The following FCHSD2 variants were observed in gnomAD, a reference collection of about 807,000 sequenced individuals.
FCHSD2 encodes the protein FCH and double SH3 domains 2, also known as F-BAR and double SH3 domains protein 2.
Under a neutral mutation model 108.1 loss-of-function variants are expected in FCHSD2, and 38 were observed. The ratio of observed to expected loss-of-function variants is 0.35; its 90% confidence interval spans 0.27 to 0.46. FCHSD2 has a LOEUF of 0.46. Among genes scored for constraint, FCHSD2 ranks in the 20% least tolerant of loss-of-function variants. The probability of loss-of-function intolerance (pLI) is 1.00; values close to 1 mark genes in which losing one functional copy is unlikely to be tolerated. For synonymous variants in FCHSD2, 279 were observed against 314.7 expected (o/e 0.89, Z 1.20); for missense variants, 751 against 897.8 (o/e 0.84, Z 2.09).
At chr11:73,140,892 G>A (rs1861229934) in intron 1 of FCHSD2, among the ~76,000 whole-genome samples, 1 of 152,228 alleles carries the variant, frequency 6.6e-6, no homozygotes, top group African/African-American at 2.4e-5. Flanking sequence ...GGACCACCCG[G>A]AGGGGTGGGG....
chr11:73,049,056 A>C (rs1257872934), intron 3 of FCHSD2, among the ~76,000 whole-genome samples: 1 of 152,194 alleles, frequency 6.6e-6, no homozygotes, highest in African/African-American at 2.4e-5. Context: ...TAGAATCTCA[A>C]AGGAGTAAAA....
intron 2 of FCHSD2, among the ~76,000 whole-genome samples, chr11:73,087,247 C>G (rs1196959569): frequency 6.6e-6 from 1 of 151,590 alleles, no homozygotes; most frequent in Admixed American, 6.6e-5. Flanking sequence ...TAAAAATAGT[C>G]AAAAGCTTAT....
intron 12 of FCHSD2, among the ~76,000 whole-genome samples, chr11:72,881,378 C>CA (rs1225906399): frequency 2.6e-5 from 4 of 151,990 alleles, no homozygotes; most frequent in Non-Finnish European, 5.9e-5. Context: ...ATCAAAAAGA[C>CA]AAAAAATAAC....
At chr11:73,050,912 C>T (rs1193702960) in intron 3 of FCHSD2, among the ~76,000 whole-genome samples, 3 of 152,284 alleles carry the variant, frequency 2.0e-5, no homozygotes, top group Non-Finnish European at 1.5e-5. Context: ...CAAAGGTCCT[C>T]CAACTGTTTG....
intron 14 of FCHSD2, among the ~76,000 whole-genome samples, chr11:72,847,135 G>A (rs1486098580): frequency 3.3e-5 from 5 of 152,094 alleles, no homozygotes; most frequent in Admixed American, 6.5e-5. Flanking sequence ...TAGCTAGGAC[G>A]ATAGGCATGT....
chr11:72,863,624 T>C (rs1591352368), intron 13 of FCHSD2, among the ~76,000 whole-genome samples: 1 of 152,042 alleles, frequency 6.6e-6, no homozygotes, highest in Non-Finnish European at 1.5e-5. Context: ...GTATTCAGAG[T>C]ATAAACTCTT....
intron 8 of FCHSD2, among the ~76,000 whole-genome samples, chr11:72,971,347 C>T (rs1458739196): frequency 6.6e-6 from 1 of 151,948 alleles, no homozygotes; most frequent in African/African-American, 2.4e-5. Context: ...TCCCAGTGAC[C>T]CTTGCCCTTG....
chr11:73,107,670 G>C (rs1245195222), intron 2 of FCHSD2, among the ~76,000 whole-genome samples: 1 of 151,990 alleles, frequency 6.6e-6, no homozygotes, highest in Non-Finnish European at 1.5e-5. Flanking sequence ...TTCATTTTTA[G>C]CTCCTACAAA....
intron 3 of FCHSD2, among the ~76,000 whole-genome samples, chr11:73,039,390 T>G (rs1269454938): frequency 6.6e-6 from 1 of 151,836 alleles, no homozygotes; most frequent in African/African-American, 2.4e-5. Flanking sequence ...TGGTGGGGCG[T>G]GCCTGTAGTC....
At chr11:72,954,956 C>T (rs926894225) in intron 8 of FCHSD2, among the ~76,000 whole-genome samples, 1 of 152,108 alleles carries the variant, frequency 6.6e-6, no homozygotes, top group Non-Finnish European at 1.5e-5. Flanking sequence ...AACTGAAGTG[C>T]TTTTTCTACC....
intron 2 of FCHSD2, among the ~76,000 whole-genome samples, chr11:73,093,409 T>C (rs1288305159): frequency 2.6e-5 from 4 of 152,134 alleles, no homozygotes; most frequent in African/African-American, 9.7e-5. Context: ...AAAGGTGGTC[T>C]TGGAGACCTC....
intron 8 of FCHSD2, among the ~76,000 whole-genome samples, chr11:72,972,462 C>G (rs1310177433): frequency 6.6e-6 from 1 of 152,184 alleles, no homozygotes; most frequent in Non-Finnish European, 1.5e-5. Context: ...GAGGATGTCA[C>G]AGGCAGGTAT....
chr11:72,852,545 T>G (rs1205122230), intron 13 of FCHSD2, among the ~76,000 whole-genome samples: 1 of 152,028 alleles, frequency 6.6e-6, no homozygotes, highest in Non-Finnish European at 1.5e-5. Context: ...ATGCCTATAA[T>G]CCCAGCTATT....
At chr11:73,045,988 ATTTT>A (rs11289761) in intron 3 of FCHSD2, among the ~76,000 whole-genome samples, 1 of 136,670 alleles carries the variant, frequency 7.3e-6, no homozygotes. Context: ...AATTTCAGTA[ATTTT>A]TTTTTTTTTT....
At chr11:72,921,798 A>G in intron 9 of FCHSD2, 30 bp downstream of exon 9, 2 of 1,589,186 alleles carry the variant, frequency 1.3e-6, no homozygotes, top group Middle Eastern at 1.7e-4. Context: ...AAGTTGGATA[A>G]CACTACACGT....
At chr11:73,076,705 C>T (rs1859561219) in intron 3 of FCHSD2, among the ~76,000 whole-genome samples, 1 of 152,098 alleles carries the variant, frequency 6.6e-6, no homozygotes, top group Non-Finnish European at 1.5e-5. Flanking sequence ...TAAAAGTATA[C>T]ATAAAAGTAT....
intron 2 of FCHSD2, among the ~76,000 whole-genome samples, chr11:73,122,733 G>GA (rs1290504736): frequency 6.6e-6 from 1 of 152,064 alleles, no homozygotes; most frequent in Non-Finnish European, 1.5e-5. Context: ...TAGACACTTA[G>GA]AAAAAAAGTC....
intron 12 of FCHSD2, among the ~76,000 whole-genome samples, chr11:72,878,248 T>C (rs552012039): frequency 6.6e-6 from 1 of 152,276 alleles, no homozygotes; most frequent in South Asian, 2.1e-4. Flanking sequence ...CTGTGAATAG[T>C]CACTGCATTC....
intron 2 of FCHSD2, among the ~76,000 whole-genome samples, chr11:73,085,983 G>A (rs1859805173): frequency 6.6e-6 from 1 of 152,098 alleles, no homozygotes. Flanking sequence ...CTAAAACAAT[G>A]GTTTTAAAGA....
Sources: allele counts gnomAD v4.1 joint callset (sites outside exome capture counted in the v4.1 genomes callset), GRCh38; gene constraint gnomAD v4.1.1; transcripts MANE v1.5; gene names NCBI Gene and HGNC (gene_info 2026-07-23, HGNC 2026-07-21).